Variants in SCOC observed in about 807,000 individuals in gnomAD.
SCOC encodes the protein short coiled-coil protein, also known as short coiled coil protein.
In SCOC, 7 loss-of-function variants were observed where a neutral mutation model predicts 9.9. That is an observed-to-expected ratio of 0.71 (90% CI 0.40 to 1.33). The LOEUF is 1.33. Ranked by LOEUF, SCOC falls within the 40% of genes most tolerant of loss-of-function variation. The pLI is 0.01. For missense variants in SCOC, 66 were observed against 89.7 expected (o/e 0.74, Z 1.07); for synonymous variants, 19 against 28.2 (o/e 0.67, Z 1.03).
chr4:140,298,041 C>CTT (rs1052267410), intron 1 of SCOC, among the ~76,000 whole-genome samples: 2 of 152,176 alleles, frequency 1.3e-5, no homozygotes, highest in African/African-American at 4.8e-5. Flanking sequence ...CCCCCAGCCC[C>CTT]TTTCCTTGGG....
At chr4:140,314,843 A>G (rs1386955375) in intron 1 of SCOC, among the ~76,000 whole-genome samples, 6 of 152,068 alleles carry the variant, frequency 3.9e-5, no homozygotes, top group Non-Finnish European at 7.4e-5. Context: ...TGAGAGCCCG[A>G]ACAGCTGTGA....
chr4:140,341,322 C>T (rs1363153600), upstream of SCOC, among the ~76,000 whole-genome samples: 1 of 152,210 alleles, frequency 6.6e-6, no homozygotes, highest in Non-Finnish European at 1.5e-5. Context: ...TGCCCTCCCT[C>T]ACATGATAAT....
chr4:140,365,844 T>C (rs546170605), intron 2 of SCOC, among the ~76,000 whole-genome samples: 21 of 152,382 alleles, frequency 1.4e-4, no homozygotes, highest in Admixed American at 9.1e-4. Flanking sequence ...TATGTGTTAA[T>C]TGACTGTTTA....
At chr4:140,298,031 C>A (rs563235465) in intron 1 of SCOC, among the ~76,000 whole-genome samples, 5 of 152,292 alleles carry the variant, frequency 3.3e-5, no homozygotes, top group Non-Finnish European at 7.4e-5. Flanking sequence ...TCCCCAGCCT[C>A]CCCCAGCCCC....
intron 1 of SCOC, among the ~76,000 whole-genome samples, chr4:140,279,363 A>G (rs372583088): frequency 3.7e-4 from 56 of 152,274 alleles, no homozygotes; most frequent in African/African-American, 1.3e-3. Flanking sequence ...AACCTCTGTC[A>G]CCAACTACAA....
At chr4:140,366,177 T>G in intron 2 of SCOC, 1 of 372,096 alleles carries the variant, frequency 2.7e-6, no homozygotes, top group Non-Finnish European at 3.9e-6. Context: ...CTCCTTTTCT[T>G]TCTTTCTTTT....
At chr4:140,337,627 C>T (rs1456079149) in intron 1 of SCOC, among the ~76,000 whole-genome samples, 5 of 152,096 alleles carry the variant, frequency 3.3e-5, no homozygotes, top group South Asian at 2.1e-4. Flanking sequence ...ATATCACCAC[C>T]GATCCCACAG....
intron 1 of SCOC, chr4:140,285,248 T>C: frequency 2.2e-6 from 1 of 456,778 alleles, no homozygotes; most frequent in Non-Finnish European, 4.4e-6. Context: ...GACATATCCT[T>C]GTAATCAGGA....
At chr4:140,344,045 T>C (rs1208627654) in intron 2 of SCOC, among the ~76,000 whole-genome samples, 1 of 152,216 alleles carries the variant, frequency 6.6e-6, no homozygotes, top group Admixed American at 6.5e-5. Context: ...GTCAGTTTCT[T>C]TTCTATCTTG....
At position 140,362,802 on chromosome 4, in the gene SCOC, G is replaced by C. The variant is rs369708326; in HGVS notation, c.71-16319G>C. The C allele has an allele frequency of 1.4e-4, 22 of 152,228 alleles. 1 individual carries two copies. In the East Asian group the frequency reaches 4.2e-3, roughly 29 times the overall value. 9.4% of individuals were successfully genotyped at this position (152,228 alleles called of 1,614,324 possible). ...CCAACATTTTCTGAGACATTTTGTG[G>C]TATTTCCCTTAGGATACTATATAAG... On this transcript the variant is annotated intron_variant, in intron 2 of 4. Transcript: ENST00000338517.
At chr4:140,337,852 T>C (rs6821759) in intron 1 of SCOC, among the ~76,000 whole-genome samples, 29,883 of 152,044 alleles carry the variant, frequency 0.2, 3,817 homozygotes, top group African/African-American at 0.36. Context: ...GATTCACAGC[T>C]GAATTCTACC....
At chr4:140,376,728 ATG>A (rs1320217642) in intron 1 of SCOC, 2 of 152,322 alleles carry the variant, frequency 1.3e-5, no homozygotes, top group African/African-American at 4.8e-5. Flanking sequence ...TTTGAATTAT[ATG>A]TGGTCAGAAT....
At chr4:140,273,151 T>A (rs1242777318) in intron 1 of SCOC, among the ~76,000 whole-genome samples, 1 of 152,126 alleles carries the variant, frequency 6.6e-6, no homozygotes, top group Non-Finnish European at 1.5e-5. Flanking sequence ...CCTGAGGAGA[T>A]GAGCAGGTCG....
intron 2 of SCOC, among the ~76,000 whole-genome samples, chr4:140,351,414 C>T (rs556744561): frequency 6.6e-6 from 1 of 152,072 alleles, no homozygotes; most frequent in East Asian, 1.9e-4. Context: ...CGGCCCTCGC[C>T]GCCTCCCCGT....
chr4:140,343,240 G>T (rs760076328), upstream of SCOC, among the ~76,000 whole-genome samples: 1 of 152,126 alleles, frequency 6.6e-6, no homozygotes, highest in Non-Finnish European at 1.5e-5. Flanking sequence ...GAAGTTTACC[G>T]TGGGTATCTA....
At chr4:140,316,023 A>G (rs1270706609) in intron 1 of SCOC, among the ~76,000 whole-genome samples, 1 of 152,118 alleles carries the variant, frequency 6.6e-6, no homozygotes, top group Non-Finnish European at 1.5e-5. Flanking sequence ...ACCAGACAGA[A>G]GCTCTAGAAA....
chr4:140,376,969 G>A (rs537232704), intron 1 of SCOC, among the ~76,000 whole-genome samples: 27 of 152,260 alleles, frequency 1.8e-4, no homozygotes, highest in African/African-American at 6.3e-4. Flanking sequence ...ATGAAAATTC[G>A]TTCTAGCTGT....
chr4:140,284,959 T>G (rs1347142230), intron 1 of SCOC: 2 of 268,980 alleles, frequency 7.4e-6, no homozygotes, highest in Non-Finnish European at 1.5e-5. Context: ...AGTACAATCA[T>G]GCAAATTTAA....
chr4:140,320,604 C>A (rs1026001738), intron 1 of SCOC, among the ~76,000 whole-genome samples: 12 of 152,124 alleles, frequency 7.9e-5, no homozygotes, highest in African/African-American at 2.9e-4. Flanking sequence ...CCTCCAAGAA[C>A]AATAGGAGCT....
Sources: allele counts gnomAD v4.1 joint callset (sites outside exome capture counted in the v4.1 genomes callset), GRCh38; gene constraint gnomAD v4.1.1; transcripts MANE v1.5; gene names NCBI Gene and HGNC (gene_info 2026-07-23, HGNC 2026-07-21).